TMEM232: variants seen among roughly 807,000 people sequenced by gnomAD.
TMEM232 encodes transmembrane protein 232.
TMEM232 carries 80 observed loss-of-function variants against 78.8 expected under a neutral mutation model. The ratio of observed to expected loss-of-function variants is 1.01; its 90% confidence interval spans 0.85 to 1.22. The LOEUF is 1.22. TMEM232 is among the 50% of genes most tolerant of loss of function. TMEM232 has a pLI of 0.00. For synonymous variants in TMEM232, 297 were observed against 254.3 expected, an observed-to-expected ratio of 1.17 and a Z score of -1.60; for missense variants, 881 against 742.2, an observed-to-expected ratio of 1.19 and a Z score of -2.17.
At chr5:110,658,861 G>C (rs1003560882) in intron 2 of TMEM232, among the ~76,000 whole-genome samples, 4 of 152,124 alleles carry the variant, frequency 2.6e-5, no homozygotes, top group Non-Finnish European at 4.4e-5. Flanking sequence ...CCAATGAAAA[G>C]AAAAGTAAAT....
intron 1 of TMEM232, among the ~76,000 whole-genome samples, chr5:110,715,072 T>G (rs1333815326): frequency 1.3e-5 from 2 of 152,146 alleles, no homozygotes; most frequent in African/African-American, 2.4e-5. Context: ...TTTTGCCCCT[T>G]CATTCAAAGA....
chr5:110,439,535 G>T lies in TMEM232; in HGVS notation c.1704-14619C>A, dbSNP rs192761248. On this transcript the variant is annotated intron_variant, in intron 12 of 13. Coordinates refer to ENST00000455884, the MANE Select transcript of TMEM232 (RefSeq NM_001039763.4). ...GGTCCTTGGGCTTCTGCCATTCCTA[G>T]TGATCCCATCCCAAGGGGCTCTGTC... Among the ~76,000 whole-genome samples the T allele has an allele frequency of 4.4e-3, 667 of 151,904 alleles. 6 individuals are homozygous for T. Among genetic ancestry groups the T allele is most frequent in the African/African-American group, 0.015 (613 of 41,438 alleles).
At chr5:110,738,349 C>A, upstream of TMEM232, 4 of 838,150 alleles carry the variant, frequency 4.8e-6, no homozygotes, top group Admixed American at 5.0e-5. Context: ...GATTTAGACA[C>A]ATCAGAAAAA....
chr5:110,736,376 T>TA (rs1799167550), intron 1 of TMEM232, among the ~76,000 whole-genome samples: 2 of 151,644 alleles, frequency 1.3e-5, no homozygotes, highest in Admixed American at 1.3e-4. Context: ...TTTTTCTTCT[T>TA]ACAAAAAAAA....
chr5:110,391,473 A>G (rs1179103568), intron 3 of TMEM232, among the ~76,000 whole-genome samples: 2 of 152,180 alleles, frequency 1.3e-5, no homozygotes, highest in African/African-American at 2.4e-5. Context: ...GTGATTTTCC[A>G]TATCCTTATA....
intron 7 of TMEM232, among the ~76,000 whole-genome samples, chr5:110,619,232 T>G (rs994590335): frequency 3.9e-5 from 6 of 152,158 alleles, no homozygotes; most frequent in African/African-American, 1.4e-4. Context: ...TAGTTGATAT[T>G]TTGTGATTTT....
upstream of TMEM232, among the ~76,000 whole-genome samples, chr5:110,731,046 G>C (rs1472241127): frequency 6.6e-6 from 1 of 152,132 alleles, no homozygotes; most frequent in Non-Finnish European, 1.5e-5. Context: ...TCAGGTATTG[G>C]GTAAATACAG....
At chr5:110,580,701 G>T (rs911835849) in intron 10 of TMEM232, among the ~76,000 whole-genome samples, 1 of 150,538 alleles carries the variant, frequency 6.6e-6, no homozygotes, top group Non-Finnish European at 1.5e-5. Context: ...AGACCTAAAA[G>T]GCATATACAG....
Position 110,424,909 on chromosome 5 carries a change from G to A in TMEM232, c.1711C>T (p.Pro571Ser). 2 of 1,549,656 alleles carry A rather than the reference G, an allele frequency of 1.3e-6. No homozygotes were observed. Among genetic ancestry groups the A allele is most frequent in the South Asian group, 2.4e-5 (2 of 83,796 alleles). ...QVLHFTVREH[P>S]SVSEIPMFPY... is the part of the protein sequence containing the mutation. Reference sequence around the variant, plus strand: ...AACATGGGAATTTCTGATACAGAAGGATGTTCCCTTCAAAAGAGCACAAGA... The same window carrying A: ...AACATGGGAATTTCTGATACAGAAGAATGTTCCCTTCAAAAGAGCACAAGA... The change falls in exon 13 of 14, where the codon CCT becomes TCT. Residue 571 changes from proline (P) to serine (S), a missense_variant. Physicochemically the swap from Pro to Ser is moderately conservative, Grantham distance 74. Transcript: ENST00000455884.
chr5:110,606,243 T>G lies in TMEM232; in HGVS notation c.947A>C (p.Lys316Thr), dbSNP rs1248935228. Residue 316 changes from lysine (K) to threonine (T), a missense_variant, in exon 9 of 14, where the codon AAA becomes ACA. Coordinates refer to ENST00000455884, the MANE Select transcript of TMEM232 (RefSeq NM_001039763.4). ...LALLVLGEAA[K>T]LNMACLKALM... is the part of the protein sequence containing the mutation. ...AGCTTTCAAGCAGGCCATGTTTAAT[T>G]TGGCAGCCTCCCCAAGGACCAGTAA... 1.3e-6 allele frequency: 2 copies of G among 1,543,568 alleles called. No homozygotes were observed. The highest frequency in any genetic ancestry group is 1.8e-6 in the Non-Finnish European group (2 of 1,141,384).
chr5:110,594,149 C>T (rs564922585), intron 10 of TMEM232, among the ~76,000 whole-genome samples: 4 of 151,698 alleles, frequency 2.6e-5, no homozygotes, highest in South Asian at 2.1e-4. Context: ...GTGCAGCCCA[C>T]GGAGGGCAAG....
rs145254630 is a variant in TMEM232 at position 110,659,957 on chromosome 5, T to C, written c.125+7271A>G. ...GATGATCTCATACACATTTATTCAA[T>C]AGTCTCAGAAGGAGAGAAAAGAAAA... On this transcript the variant is annotated intron_variant, in intron 2 of 13. Transcript: ENST00000455884. Among the ~76,000 whole-genome samples, 242 of 152,110 alleles carry C rather than the reference T, an allele frequency of 1.6e-3. 1 individual carries two copies. Among genetic ancestry groups the C allele is most frequent in the African/African-American group, 5.3e-3 (222 of 41,524 alleles).
chr5:110,417,886 T>G (rs925092827), downstream of TMEM232: 3 of 152,206 alleles, frequency 2.0e-5, no homozygotes, highest in African/African-American at 4.8e-5. Context: ...GTTTTCTCAC[T>G]CTTTCTGATA....
intron 2 of TMEM232, among the ~76,000 whole-genome samples, chr5:110,662,684 T>C (rs1165079866): frequency 2.6e-5 from 4 of 152,116 alleles, no homozygotes; most frequent in African/African-American, 7.2e-5. Context: ...GCATATCAAT[T>C]ACATGTGAAT....
chr5:110,737,489 T>C (rs144030339), intron 1 of TMEM232, among the ~76,000 whole-genome samples: 9 of 152,334 alleles, frequency 5.9e-5, no homozygotes, highest in Admixed American at 2.0e-4. Context: ...AGTTATGTTT[T>C]ATATCACTTC....
At chr5:110,657,997 TGAAA>T (rs1377005013) in intron 2 of TMEM232, among the ~76,000 whole-genome samples, 1 of 152,104 alleles carries the variant, frequency 6.6e-6, no homozygotes, top group Non-Finnish European at 1.5e-5. Context: ...ACCAGCAGAA[TGAAA>T]GAAAGGTCTG....
At position 110,391,326 on chromosome 5, in the gene TMEM232, T is replaced by TGTGTGTGTGTGTGA. The variant is rs549361387; in HGVS notation, n.391-687_391-686insTCACACACACACAC. The stretch of plus-strand genomic sequence containing the variant: ...GTGTGTGTGTGTGTGTGTGTGTGTG[T>TGTGTGTGTGTGTGA]GAGAGAGAGAGAGAGAGAGAGAAAC... On this transcript the variant is annotated intron_variant and non_coding_transcript_variant, in intron 3 of 8. Transcript: ENST00000507188. 7.9e-3 allele frequency among the ~76,000 whole-genome samples: 1,102 copies of TGTGTGTGTGTGTGA among 139,824 alleles called. 24 individuals are homozygous for TGTGTGTGTGTGTGA. Among genetic ancestry groups the TGTGTGTGTGTGTGA allele is most frequent in the African/African-American group, 0.031 (1,036 of 33,948 alleles). 91.7% of individuals were successfully genotyped at this position (139,824 alleles called of 152,430 possible).
At chr5:110,603,529 T>C (rs1363563576) in intron 10 of TMEM232, among the ~76,000 whole-genome samples, 7 of 152,082 alleles carry the variant, frequency 4.6e-5, no homozygotes, top group African/African-American at 1.7e-4. Flanking sequence ...CAGACAAGAA[T>C]TGAAGGCCAA....
At chr5:110,480,197 G>A (rs1031054254) in intron 12 of TMEM232, among the ~76,000 whole-genome samples, 1 of 151,682 alleles carries the variant, frequency 6.6e-6, no homozygotes, top group Non-Finnish European at 1.5e-5. Context: ...ATAAATAGCA[G>A]TGGGAGAAAA....
Sources: allele counts gnomAD v4.1 joint callset (sites outside exome capture counted in the v4.1 genomes callset), GRCh38; gene constraint gnomAD v4.1.1; transcripts MANE v1.5; gene names NCBI Gene and HGNC (gene_info 2026-07-23, HGNC 2026-07-21).